The following LINGO2 variants were observed in gnomAD, a reference collection of about 807,000 sequenced individuals.
LINGO2 encodes the protein leucine rich repeat and Ig domain containing 2, also known as leucine-rich repeat and immunoglobulin-like domain-containing nogo receptor-interacting protein 2.
Under a neutral mutation model 30.6 loss-of-function variants are expected in LINGO2, and 14 were observed. The ratio of observed to expected loss-of-function variants is 0.46; its 90% CI spans 0.30 to 0.72. LINGO2 has a LOEUF of 0.72. Ranked by LOEUF, LINGO2 falls within the 30% of genes least tolerant of loss-of-function variation. LINGO2 has a pLI of 0.07. For missense variants in LINGO2, 729 were observed against 751.7 expected (o/e 0.97, Z 0.35); for synonymous variants, 317 against 288.5 (o/e 1.10, Z -1.00).
rs183452818 is a variant in LINGO2, at chr9:28,561,506, T to A, written c.-364-85481A>T. On this transcript the variant is annotated intron_variant, in intron 1 of 5. Transcript: ENST00000379992. ...TAATTAGTTTATAAAGAACCTTATA[T>A]TTATTTTAAATATTTTATATCTATG... Among the ~76,000 whole-genome samples, 462 of 149,718 alleles carry A rather than the reference T, an allele frequency of 3.1e-3. 5 individuals carry two copies. In the East Asian group the frequency reaches 0.041, roughly 13 times the overall value.
intron 4 of LINGO2, chr9:28,149,039 C>T (rs1021657154): frequency 2.0e-6 from 3 of 1,534,590 alleles, no homozygotes; most frequent in African/African-American, 2.7e-5. Flanking sequence ...GGGGCCCCCA[C>T]CGGCTAAGCT....
At chr9:29,126,377 A>G in the LINGO2 span, among the ~76,000 whole-genome samples, 1 of 152,160 alleles carries the variant, frequency 6.6e-6, no homozygotes, top group African/African-American at 2.4e-5. Context: ...GTGGCATATT[A>G]TAAATAAAGC....
chr9:28,429,205 C>T (rs1048184275), intron 2 of LINGO2, among the ~76,000 whole-genome samples: 4 of 152,080 alleles, frequency 2.6e-5, no homozygotes, highest in Non-Finnish European at 4.4e-5. Flanking sequence ...TATTATCCTG[C>T]CCCAGCAAAC....
chr9:28,784,165 G>A, the LINGO2 span, among the ~76,000 whole-genome samples: 1 of 152,170 alleles, frequency 6.6e-6, no homozygotes, highest in African/African-American at 2.4e-5. Context: ...ACTTTGCAGA[G>A]GCAACTGTTG....
At chr9:28,976,595 A>G in the LINGO2 span, among the ~76,000 whole-genome samples, 1 of 152,126 alleles carries the variant, frequency 6.6e-6, no homozygotes, top group Admixed American at 6.6e-5. Flanking sequence ...TTGTGACAAA[A>G]GGCACCATCA....
At chr9:28,667,070 G>A (rs2136030817) in intron 1 of LINGO2, among the ~76,000 whole-genome samples, 1 of 152,212 alleles carries the variant, frequency 6.6e-6, no homozygotes, top group South Asian at 2.1e-4. Flanking sequence ...AAAAAGATGT[G>A]AAGTGTTATT....
intron 5 of LINGO2, among the ~76,000 whole-genome samples, chr9:27,975,786 C>A: frequency 6.6e-6 from 1 of 152,190 alleles, no homozygotes; most frequent in Middle Eastern, 3.4e-3. Context: ...TTGAAAATTT[C>A]CTAAATTCAT....
intron 4 of LINGO2, among the ~76,000 whole-genome samples, chr9:28,057,545 G>A (rs10968319): frequency 3.4e-5 from 3 of 87,032 alleles, no homozygotes; most frequent in Admixed American, 1.1e-4. Context: ...ACACACATAT[G>A]TATATAAGTA....
the LINGO2 span, among the ~76,000 whole-genome samples, chr9:28,833,925 G>A: frequency 1.2e-4 from 18 of 151,976 alleles, no homozygotes; most frequent in African/African-American, 4.3e-4. Flanking sequence ...TCTTTATATC[G>A]CACTCATAGA....
At chr9:29,186,815 T>C in the LINGO2 span, among the ~76,000 whole-genome samples, 2 of 152,054 alleles carry the variant, frequency 1.3e-5, no homozygotes, top group Non-Finnish European at 2.9e-5. Context: ...CTGCTAACAA[T>C]GCCTACCGAA....
chr9:28,636,068 T>C (rs1025114373), intron 1 of LINGO2, among the ~76,000 whole-genome samples: 1 of 152,098 alleles, frequency 6.6e-6, no homozygotes, highest in Admixed American at 6.6e-5. Flanking sequence ...AGTGAGAACA[T>C]GCAGTCTTTG....
intron 4 of LINGO2, among the ~76,000 whole-genome samples, chr9:28,156,450 C>A (rs1033218014): frequency 6.6e-6 from 1 of 152,164 alleles, no homozygotes; most frequent in African/African-American, 2.4e-5. Context: ...ATATCTACAT[C>A]CAATCTTATG....
the LINGO2 span, among the ~76,000 whole-genome samples, chr9:28,697,144 A>C: frequency 6.6e-6 from 1 of 151,974 alleles, no homozygotes; most frequent in African/African-American, 2.4e-5. Flanking sequence ...TTGACTGATT[A>C]GAACTCCATG....
At chr9:29,085,734 G>A in the LINGO2 span, among the ~76,000 whole-genome samples, 1 of 152,064 alleles carries the variant, frequency 6.6e-6, no homozygotes. Flanking sequence ...TTTGTATACA[G>A]AGTCTACCAT....
chr9:28,420,973 A>G (rs1426989514), intron 2 of LINGO2, among the ~76,000 whole-genome samples: 2 of 152,092 alleles, frequency 1.3e-5, no homozygotes, highest in Non-Finnish European at 2.9e-5. Flanking sequence ...GATTCCTGAA[A>G]TGTTTAAAGA....
At chr9:28,822,931 C>A in the LINGO2 span, among the ~76,000 whole-genome samples, 1 of 152,082 alleles carries the variant, frequency 6.6e-6, no homozygotes, top group Non-Finnish European at 1.5e-5. Context: ...AAAGTGACAA[C>A]TGAATAAAAA....
At chr9:28,142,288 C>A (rs916297856) in intron 4 of LINGO2, among the ~76,000 whole-genome samples, 1 of 151,366 alleles carries the variant, frequency 6.6e-6, no homozygotes, top group African/African-American at 2.4e-5. Context: ...AAAACCAACA[C>A]ACGAAATTAG....
intron 2 of LINGO2, among the ~76,000 whole-genome samples, chr9:28,410,553 T>C (rs1465929961): frequency 1.3e-5 from 2 of 152,082 alleles, no homozygotes; most frequent in Non-Finnish European, 2.9e-5. Flanking sequence ...CCATGAGATT[T>C]CCTGTGACTT....
At chr9:29,000,178 C>A in the LINGO2 span, among the ~76,000 whole-genome samples, 2 of 151,858 alleles carry the variant, frequency 1.3e-5, no homozygotes, top group Non-Finnish European at 2.9e-5. Flanking sequence ...GGTAAGTATT[C>A]TTCGGCATGG....
Sources: allele counts gnomAD v4.1 joint callset (sites outside exome capture counted in the v4.1 genomes callset), GRCh38; gene constraint gnomAD v4.1.1; transcripts MANE v1.5; gene names NCBI Gene and HGNC (gene_info 2026-07-23, HGNC 2026-07-21).